Variants in TRAPPC9 observed in about 807,000 individuals in gnomAD.
TRAPPC9 encodes IKK2 binding protein.
TRAPPC9 carries 83 observed loss-of-function variants against 124.0 expected under a neutral mutation model. The observed-to-expected ratio is 0.67, with a 90% CI of 0.56 to 0.80. The LOEUF (loss-of-function observed/expected upper bound fraction) is 0.80. Ranked by LOEUF, TRAPPC9 falls within the 30% of genes least tolerant of loss-of-function variation. The probability of loss-of-function intolerance (pLI) is 0.00; values close to 1 mark genes in which losing one functional copy is unlikely to be tolerated. For missense variants in TRAPPC9, 1,302 were observed against 1,508.3 expected (o/e 0.86, Z 2.27); for synonymous variants, 638 against 617.5 (o/e 1.03, Z -0.49).
rs548145165 is a variant in TRAPPC9, at chr8:140,104,758, G to A, written c.2557-80679C>T. 1.2e-4 allele frequency among the ~76,000 whole-genome samples: 18 copies of A among 152,300 alleles called. No individual in the cohort carries two copies. Among genetic ancestry groups the A allele is most frequent in the South Asian group, 1.0e-3 (5 of 4,820 alleles). ...GTAGTTACCCAGCTAACAGAAGAAC[G>A]GTTCACACCGACAAGGTACTTCTTA... On this transcript the variant is annotated intron_variant, in intron 17 of 22. Coordinates refer to ENST00000438773, the MANE Select transcript of TRAPPC9 (RefSeq NM_001160372.4). The surrounding 1 kb of genome is among the most constrained non-coding windows in gnomAD (Gnocchi z 4.0).
chr8:139,838,823 T>C (rs1826533582), intron 21 of TRAPPC9, among the ~76,000 whole-genome samples: 1 of 152,182 alleles, frequency 6.6e-6, no homozygotes, highest in African/African-American at 2.4e-5. Context: ...TAGGAACTTA[T>C]ACATCGGTTT....
chr8:140,156,775 G>T (rs1441038917), intron 17 of TRAPPC9, among the ~76,000 whole-genome samples: 3 of 152,224 alleles, frequency 2.0e-5, no homozygotes, highest in African/African-American at 7.2e-5. Context: ...TGTCAGAGGA[G>T]CTGTGGAATG....
At chr8:140,018,216 T>C (rs1189751741) in intron 18 of TRAPPC9, among the ~76,000 whole-genome samples, 1 of 152,208 alleles carries the variant, frequency 6.6e-6, no homozygotes, top group Non-Finnish European at 1.5e-5. Flanking sequence ...GGGATAAGAT[T>C]TGTAGAAATG....
chr8:140,060,736 A>G (rs970026960), intron 17 of TRAPPC9, among the ~76,000 whole-genome samples: 4 of 151,912 alleles, frequency 2.6e-5, no homozygotes, highest in African/African-American at 9.7e-5. Flanking sequence ...GATTAGGGGG[A>G]AGGATTTTTG....
intron 7 of TRAPPC9, among the ~76,000 whole-genome samples, chr8:140,377,354 A>C (rs1051779321): frequency 4.0e-5 from 6 of 151,860 alleles, no homozygotes; most frequent in Admixed American, 6.6e-5. Flanking sequence ...GCTGGAGCGC[A>C]GTGGCGTAAT....
At chr8:139,921,496 T>C (rs55726039) in intron 19 of TRAPPC9, among the ~76,000 whole-genome samples, 51,676 of 152,008 alleles carry the variant, frequency 0.34, 9,641 homozygotes, top group African/African-American at 0.5. Context: ...ACAGAACTTT[T>C]AGCATGTTAG....
At chr8:140,410,292 T>C (rs1416184889) in intron 5 of TRAPPC9, among the ~76,000 whole-genome samples, 1 of 152,110 alleles carries the variant, frequency 6.6e-6, no homozygotes, top group Non-Finnish European at 1.5e-5. Context: ...GCCCTGCCCT[T>C]TAGGAGGCTG....
chr8:140,073,561 T>C (rs897514262), intron 17 of TRAPPC9, among the ~76,000 whole-genome samples: 6 of 152,196 alleles, frequency 3.9e-5, no homozygotes, highest in Admixed American at 1.3e-4. Context: ...CTAGATGGGA[T>C]ACAAGAGAAC....
rs546253331 is a variant in TRAPPC9 at position 140,256,834 on chromosome 8, G to A, written c.2279-3905C>T. Among the ~76,000 whole-genome samples the A allele has an allele frequency of 1.1e-4, 17 of 152,230 alleles. 1 individual carries two copies. In the South Asian group the frequency reaches 3.1e-3, roughly 28 times the overall value. ...ACCTACTTTCTAGGGCTGCTGTGAG[G>A]GTTAGCGGGTTTAAAACATATAGAG... On this transcript the variant is annotated intron_variant, in intron 15 of 22. Transcript: ENST00000438773.
chr8:139,787,534 G>A lies in TRAPPC9; in HGVS notation c.3056-55332C>T, dbSNP rs146722794. Among the ~76,000 whole-genome samples, 357 of 152,254 alleles carry A rather than the reference G, an allele frequency of 2.3e-3. 4 individuals are homozygous for A. Among genetic ancestry groups the A allele is most frequent in the Middle Eastern group, 0.01 (3 of 294 alleles). On this transcript the variant is annotated intron_variant, in intron 21 of 22. Coordinates refer to ENST00000438773, the MANE Select transcript of TRAPPC9 (RefSeq NM_001160372.4). ...TCCCTTCTGCCCCGACCCTGCAGAC[G>A]CTTTCAAAGCCTAATATGGAAAAAG...
chr8:139,955,114 A>G (rs180825766), intron 19 of TRAPPC9, among the ~76,000 whole-genome samples: 1 of 152,298 alleles, frequency 6.6e-6, no homozygotes, highest in African/African-American at 2.4e-5. Flanking sequence ...GGTAGGGATC[A>G]AGCACATTTT....
chr8:139,762,955 C>T (rs1451686210), intron 21 of TRAPPC9, among the ~76,000 whole-genome samples: 2 of 152,180 alleles, frequency 1.3e-5, no homozygotes, highest in Non-Finnish European at 2.9e-5. Context: ...TGCCCTGCAC[C>T]GGGTCTGAGA....
intron 19 of TRAPPC9, chr8:139,933,951 A>G (rs1833358927): frequency 1.3e-5 from 2 of 152,214 alleles, no homozygotes; most frequent in African/African-American, 4.8e-5. Flanking sequence ...CTACTATGCT[A>G]TGTGGTTGCT....
At chr8:140,287,936 G>A (rs766753191) in intron 12 of TRAPPC9, among the ~76,000 whole-genome samples, 9 of 152,158 alleles carry the variant, frequency 5.9e-5, no homozygotes, top group Admixed American at 1.3e-4. Context: ...GTGCTCAGGC[G>A]ATAAACCACG....
intron 18 of TRAPPC9, among the ~76,000 whole-genome samples, chr8:140,019,687 G>T (rs1839712646): frequency 6.6e-6 from 1 of 151,174 alleles, no homozygotes; most frequent in South Asian, 2.1e-4. Flanking sequence ...CGAGTGGCTG[G>T]AATTACAGGC....
At chr8:140,232,230 G>A (rs1370282586) in intron 16 of TRAPPC9, among the ~76,000 whole-genome samples, 3 of 152,124 alleles carry the variant, frequency 2.0e-5, no homozygotes, top group Non-Finnish European at 2.9e-5. Flanking sequence ...GAGCCACTGC[G>A]CCTGACCATA....
intron 17 of TRAPPC9, among the ~76,000 whole-genome samples, chr8:140,068,722 C>T (rs1842995798): frequency 6.6e-6 from 1 of 152,190 alleles, no homozygotes; most frequent in South Asian, 2.1e-4. Flanking sequence ...TAGTTTACCA[C>T]AAACAGCACT....
At chr8:139,864,137 C>T (rs1587019691) in intron 21 of TRAPPC9, among the ~76,000 whole-genome samples, 2 of 152,308 alleles carry the variant, frequency 1.3e-5, no homozygotes, top group East Asian at 3.9e-4. Context: ...CAGCTGGCGC[C>T]CAGGACTCTT....
At chr8:139,962,719 T>C (rs1215678597) in intron 19 of TRAPPC9, among the ~76,000 whole-genome samples, 1 of 124,232 alleles carries the variant, frequency 8.0e-6, no homozygotes, top group African/African-American at 2.6e-5. Flanking sequence ...AAAGAGCTTC[T>C]GCAAGAACCC....
Sources: gnomAD v4.1 joint callset for allele counts (sites outside exome capture counted in the v4.1 genomes callset) on GRCh38, gnomAD v4.1.1 for gene constraint, Gnocchi (gnomAD v3.1) non-coding constraint, MANE v1.5 for transcripts, NCBI Gene and HGNC (gene_info 2026-07-23, HGNC 2026-07-21) for gene names.